The following PEX5 variants were observed in gnomAD, a reference collection of about 807,000 sequenced individuals.
The protein encoded by PEX5 is PTS1 receptor.
Under a neutral mutation model 82.9 loss-of-function variants are expected in PEX5, and 52 were observed. The ratio of observed to expected loss-of-function variants is 0.63; its 90% confidence interval spans 0.50 to 0.79. The LOEUF (loss-of-function observed/expected upper bound fraction) is 0.79, where lower values mean the gene tolerates loss of function less well. Ranked by LOEUF, PEX5 falls within the 30% of genes least tolerant of loss-of-function variation. The pLI is 0.00. For missense variants in PEX5, 719 were observed against 815.2 expected (o/e 0.88, Z 1.44); for synonymous variants, 300 against 318.8 (o/e 0.94, Z 0.63).
chr12:7,208,577 A>G lies in PEX5; in HGVS notation c.1302A>G (p.Pro434=). 1 of 1,614,166 alleles carries G rather than the reference A, an allele frequency of 6.2e-7. No homozygotes were observed. Among genetic ancestry groups the G allele is most frequent in the South Asian group, 1.1e-5 (1 of 91,082 alleles). The part of the protein sequence containing the change: ...ETLRDWLRYT[P]AYAHLVTPAE... ...TACGAGACTGGCTGCGGTACACACC[A>G]GCCTATGCCCATCTGGTGACACCTG... is the stretch of plus-strand genomic sequence containing the variant. Residue 434 remains proline (P), a synonymous_variant, in exon 13 of 16, where the codon CCA becomes CCG. Coordinates refer to ENST00000675855, the MANE Select transcript of PEX5 (RefSeq NM_001351132.2).
intron 6 of PEX5, 96 bp from the exon 7 acceptor site, chr12:7,201,655 T>C (rs1324066604): frequency 3.4e-6 from 3 of 891,310 alleles, no homozygotes; most frequent in Admixed American, 1.8e-5. Context: ...TGGAGTTCCC[T>C]CACAGGAACT....
intron 5 of PEX5, among the ~76,000 whole-genome samples, chr12:7,192,472 G>A (rs1044679522): frequency 2.0e-5 from 3 of 152,300 alleles, no homozygotes; most frequent in Admixed American, 2.0e-4. Context: ...CTCTTTGAAA[G>A]CATCCATTGC....
Position 7,210,074 on chromosome 12 carries a change from G to A in PEX5, c.1771G>A (p.Gly591Ser), listed in dbSNP as rs375897299. The change falls in exon 16 of 16, where the codon GGC becomes AGC. Residue 591 changes from glycine (G) to serine (S), a missense_variant. Gly to Ser is a moderately conservative substitution (Grantham distance 56, BLOSUM62 0). Transcript: ENST00000675855. ...EALNMQRKSR[G>S]PRGEGGAMSE... Reference sequence around the variant, plus strand: ...CCTGAACATGCAGAGGAAAAGCCGGGGCCCCCGGGGTGAAGGAGGTGCCAT... The same window carrying A: ...CCTGAACATGCAGAGGAAAAGCCGGAGCCCCCGGGGTGAAGGAGGTGCCAT... 6.2e-7 allele frequency: 1 copy of A among 1,614,254 alleles called. No homozygotes were observed. Among genetic ancestry groups the A allele is most frequent in the Admixed American group, 1.7e-5 (1 of 60,034 alleles).
upstream of PEX5, chr12:7,189,679 C>T (rs1213099691): frequency 1.4e-5 from 5 of 362,062 alleles, no homozygotes; most frequent in Non-Finnish European, 2.4e-5. Context: ...CCCTGGCTCC[C>T]CGCCCCCTCT....
Position 7,189,733 on chromosome 12 carries a change from G to C in PEX5, c.-34G>C. The C allele has an allele frequency of 2.5e-6, 1 of 400,384 alleles. No individual in the cohort carries two copies. Among genetic ancestry groups the C allele is most frequent in the Non-Finnish European group, 4.3e-6 (1 of 234,956 alleles). 24.8% of individuals were successfully genotyped at this position (400,384 alleles called of 1,614,324 possible). A position where few individuals can be genotyped will look rare whatever the true frequency, so the allele number is the denominator to read the frequency against. On this transcript the variant is annotated 5_prime_UTR_variant, in exon 1 of 16. Transcript: ENST00000675855. ...AGCACCTGGTGCCCCGGCGGGTCGT[G>C]CGGCGCGGCGCTCCGCGGTGAGCGC...
intron 10 of PEX5, among the ~76,000 whole-genome samples, chr12:7,204,692 T>C (rs1475023518): frequency 6.6e-6 from 1 of 152,234 alleles, no homozygotes; most frequent in Non-Finnish European, 1.5e-5. Flanking sequence ...AACTTATAAA[T>C]GGAAAGTTGT....
Position 7,208,002 on chromosome 12 carries a change from C to G in PEX5, c.1111-8C>G. ...ATGGGGTGATGGAATCTGTCAACTT[C>G]CCTCTAGGCTTGGCAGTATCTGGGT... On this transcript the variant is annotated splice_region_variant and splice_polypyrimidine_tract_variant and intron_variant, in intron 11 of 15. Coordinates refer to ENST00000675855, the MANE Select transcript of PEX5 (RefSeq NM_001351132.2). The G allele has an allele frequency of 6.2e-7, 1 of 1,611,784 alleles. No homozygotes were observed.
rs1431567931 is a variant in PEX5 at position 7,196,351 on chromosome 12, TTTAA to T, written c.449-2656_449-2653del. Among the ~76,000 whole-genome samples, 5 of 136,674 alleles carry T rather than the reference TTTAA, an allele frequency of 3.7e-5. No homozygotes were observed. The East Asian group carries it at 1.1e-3, about 29-fold the overall frequency. 89.7% of individuals were successfully genotyped at this position (136,674 alleles called of 152,430 possible). On this transcript the variant is annotated intron_variant, in intron 5 of 15. Transcript: ENST00000675855. Reference sequence around the variant, plus strand: ...CATAATTTATATATGTCATATATAATTTAATTATATATGACATATATAATGTAAT... The same window carrying T: ...CATAATTTATATATGTCATATATAATTTATATATGACATATATAATGTAAT...
intron 5 of PEX5, among the ~76,000 whole-genome samples, chr12:7,193,557 C>G (rs1217273130): frequency 6.6e-6 from 1 of 152,096 alleles, no homozygotes; most frequent in African/African-American, 2.4e-5. Flanking sequence ...GTGAAATTGC[C>G]GCAAGTTAAA....
downstream of PEX5, among the ~76,000 whole-genome samples, chr12:7,211,763 TG>T (rs1222638666): frequency 1.3e-5 from 2 of 152,148 alleles, no homozygotes; most frequent in Admixed American, 6.5e-5. Flanking sequence ...ATGAATTACA[TG>T]GAAGGATTTT....
intron 1 of PEX5, chr12:7,190,157 G>C (rs1022150175): frequency 1.3e-6 from 2 of 1,490,724 alleles, no homozygotes; most frequent in Non-Finnish European, 1.8e-6. Flanking sequence ...GGCTGGAAGC[G>C]GTGGCCTTTG....
intron 14 of PEX5, 118 bp from the exon 15 acceptor site, chr12:7,209,565 C>T (rs1945255537): frequency 7.3e-5 from 18 of 246,348 alleles, no homozygotes; most frequent in Admixed American, 4.6e-5. Context: ...AACATGTTAG[C>T]TAACAGAGTA....
chr12:7,189,337 C>G (rs1441489284), upstream of PEX5: 1 of 152,210 alleles, frequency 6.6e-6, no homozygotes, highest in African/African-American at 2.4e-5. Flanking sequence ...GCACTGAATC[C>G]CCTTAGGTCA....
Position 7,189,708 on chromosome 12 carries a change from A to C in PEX5, c.-59A>C. On this transcript the variant is annotated 5_prime_UTR_variant, in exon 1 of 16. Coordinates refer to ENST00000675855, the MANE Select transcript of PEX5 (RefSeq NM_001351132.2). The stretch of plus-strand genomic sequence containing the variant: ...CCCCTCTTCTCCCCTCCCCCAAGCC[A>C]GCACCTGGTGCCCCGGCGGGTCGTG... 3.7e-5 allele frequency: 12 copies of C among 327,002 alleles called. No individual in the cohort carries two copies. The highest frequency in any genetic ancestry group is 5.1e-5 in the East Asian group (1 of 19,598). The allele number at this position is 327,002 out of a possible 1,614,324, so 20.3% of individuals were successfully genotyped here.
chr12:7,210,301 C>A lies in PEX5; in HGVS notation c.*78C>A. 1 of 1,409,760 alleles carries A rather than the reference C, an allele frequency of 7.1e-7. No homozygotes were observed. Among genetic ancestry groups the A allele is most frequent in the Non-Finnish European group, 1.0e-6 (1 of 1,000,706 alleles). The allele number at this position is 1,409,760 out of a possible 1,614,324, so 87.3% of individuals were successfully genotyped here. A position where few individuals can be genotyped will look rare whatever the true frequency, so the allele number is the denominator to read the frequency against. Reference sequence around the variant, plus strand: ...ATGTGATTCCCTCTCCCCAAATGGGCCTACCAAGGGGGCGGGCTGATGACC... The same window carrying A: ...ATGTGATTCCCTCTCCCCAAATGGGACTACCAAGGGGGCGGGCTGATGACC... On this transcript the variant is annotated 3_prime_UTR_variant, in exon 16 of 16. Coordinates refer to ENST00000675855, the MANE Select transcript of PEX5 (RefSeq NM_001351132.2).
intron 5 of PEX5, among the ~76,000 whole-genome samples, chr12:7,196,142 T>A (rs1942070580): frequency 6.9e-6 from 1 of 144,038 alleles, no homozygotes; most frequent in Non-Finnish European, 1.5e-5. Flanking sequence ...GTATTTCTTA[T>A]TACATATGTT....
At chr12:7,213,834 A>G (rs1945699149), downstream of PEX5, among the ~76,000 whole-genome samples, 2 of 150,754 alleles carry the variant, frequency 1.3e-5, no homozygotes, top group Admixed American at 1.3e-4. Context: ...TCATCTGACA[A>G]AGGGCTAATA....
intron 6 of PEX5, among the ~76,000 whole-genome samples, chr12:7,201,347 A>ATACG (rs1944004666): frequency 6.6e-6 from 1 of 151,558 alleles, no homozygotes; most frequent in African/African-American, 2.4e-5. Context: ...GTATATATAC[A>ATACG]TATCAGCTAT....
Position 7,191,656 on chromosome 12 carries a change from A to G in PEX5, c.404A>G (p.Tyr135Cys), listed in dbSNP as rs1385787688. 2 of 1,613,786 alleles carry G rather than the reference A, an allele frequency of 1.2e-6. No homozygotes were observed. The highest frequency in any genetic ancestry group is 2.7e-5 in the African/African-American group (2 of 74,930). Residue 135 changes from tyrosine to cysteine, a missense_variant, in exon 5 of 16, where the codon TAT (tyrosine) becomes TGT (cysteine). Physicochemically the swap from Tyr to Cys is radical, Grantham distance 194 (BLOSUM62 -2). Transcript: ENST00000675855. ...GATGCTGTGGATGTAACTCAGGATT[A>G]TAATGAGACTGACTGGTCCCAAGAA... ...AGDAVDVTQD[Y>C]NETDWSQEFI... is the part of the protein sequence containing the mutation.
Sources: gnomAD v4.1 joint callset for allele counts (sites outside exome capture counted in the v4.1 genomes callset) on GRCh38, gnomAD v4.1.1 for gene constraint, MANE v1.5 for transcripts, NCBI Gene and HGNC (gene_info 2026-07-23, HGNC 2026-07-21) for gene names.